The following ZC3H12B variants were observed in gnomAD, a reference collection of about 807,000 sequenced individuals.
ZC3H12B encodes the protein zinc finger CCCH-type containing 12B, also known as probable ribonuclease ZC3H12B.
In ZC3H12B, 7 loss-of-function variants were observed where a neutral mutation model predicts 43.9. That is an observed-to-expected ratio of 0.16 (90% CI 0.09 to 0.30). ZC3H12B has a LOEUF of 0.30. Among genes scored for constraint, ZC3H12B ranks in the 10% least tolerant of loss-of-function variants. The probability of loss-of-function intolerance (pLI) is 1.00; values close to 1 mark genes in which losing one functional copy is unlikely to be tolerated. For synonymous variants in ZC3H12B, 222 were observed against 241.7 expected, an observed-to-expected ratio of 0.92 and a Z score of 0.76; for missense variants, 475 against 670.2, an observed-to-expected ratio of 0.71 and a Z score of 3.22.
intron 3 of ZC3H12B, among the ~76,000 whole-genome samples, chrX:65,437,799 G>A (rs776267268): frequency 8.9e-6 from 1 of 112,008 alleles, no homozygotes; most frequent in East Asian, 2.8e-4. Context: ...TGCTTATGGG[G>A]TATTACTCAA....
At chrX:65,489,489 A>C in intron 1 of ZC3H12B, 80 bp downstream of exon 6, 1 of 1,060,851 alleles carries the variant, frequency 9.4e-7, no homozygotes, top group Non-Finnish European at 1.3e-6. Flanking sequence ...GCAAATCATT[A>C]TAAGAGGAGC....
At chrX:65,436,882 A>G (rs1004736055) in intron 3 of ZC3H12B, among the ~76,000 whole-genome samples, 5 of 111,213 alleles carry the variant, frequency 4.5e-5, no homozygotes, top group African/African-American at 1.3e-4. Flanking sequence ...CGTACAACAA[A>G]TGGTTATTGG....
At chrX:65,232,936 G>A in the ZC3H12B span, among the ~76,000 whole-genome samples, 14 of 111,304 alleles carry the variant, frequency 1.3e-4, 1 homozygote, top group Non-Finnish European at 1.9e-4. Flanking sequence ...AAATGAGGAG[G>A]AGCAGCTATA....
At chrX:65,153,466 A>G in the ZC3H12B span, among the ~76,000 whole-genome samples, 1 of 112,630 alleles carries the variant, frequency 8.9e-6, no homozygotes, top group African/African-American at 3.2e-5. Context: ...GCAGCCAAAA[A>G]ACACATGAAA....
intron 2 of ZC3H12B, among the ~76,000 whole-genome samples, chrX:65,372,984 A>G (rs1194195737): frequency 1.8e-5 from 2 of 112,247 alleles, no homozygotes; most frequent in African/African-American, 6.5e-5. Context: ...GACATTAATC[A>G]GTCCATGATT....
the ZC3H12B span, among the ~76,000 whole-genome samples, chrX:65,121,302 G>T: frequency 9.0e-6 from 1 of 110,939 alleles, no homozygotes; most frequent in African/African-American, 3.3e-5. Context: ...GGTTGGTAAG[G>T]TATTAATTAT....
At chrX:65,059,059 G>A in the ZC3H12B span, among the ~76,000 whole-genome samples, 15 of 111,637 alleles carry the variant, frequency 1.3e-4, no homozygotes, top group Non-Finnish European at 1.5e-4. Flanking sequence ...TTTGGCTCAC[G>A]CTTGGTGCAC....
the ZC3H12B span, among the ~76,000 whole-genome samples, chrX:65,089,226 T>C: frequency 5.4e-5 from 6 of 111,542 alleles, no homozygotes; most frequent in Non-Finnish European, 1.1e-4. Flanking sequence ...TCATAGAATG[T>C]ACTTACGCAA....
chrX:65,449,298 G>A (rs1315870522), intron 3 of ZC3H12B, among the ~76,000 whole-genome samples: 1 of 110,719 alleles, frequency 9.0e-6, no homozygotes, highest in Non-Finnish European at 1.9e-5. Flanking sequence ...ATATACCCCT[G>A]AACTTAAAAT....
the ZC3H12B span, among the ~76,000 whole-genome samples, chrX:65,215,136 G>A: frequency 5.4e-5 from 6 of 111,970 alleles, no homozygotes; most frequent in Non-Finnish European, 7.5e-5. Context: ...AGCACATGTG[G>A]AGTAAATTTG....
chrX:65,430,344 C>CT lies in ZC3H12B; in HGVS notation n.407+31655dup, dbSNP rs1242032604. Among the ~76,000 whole-genome samples the CT allele has an allele frequency of 1.4e-3, 135 of 98,822 alleles. 1 individual carries two copies. The highest frequency in any genetic ancestry group is 2.4e-3 in the African/African-American group (66 of 27,501). 85.8% of individuals were successfully genotyped at this position (98,822 alleles called of 115,157 possible). On this transcript the variant is annotated intron_variant and non_coding_transcript_variant, in intron 3 of 5. Coordinates refer to the ZC3H12B transcript ENST00000617377. ...AGGGTTGCACAATCACTCACCACTT[C>CT]TTTTTTTTTTTTTTTAAACTTTAAG...
At chrX:65,378,888 C>T (rs890926085) in intron 2 of ZC3H12B, among the ~76,000 whole-genome samples, 20 of 112,431 alleles carry the variant, frequency 1.8e-4, no homozygotes, top group Admixed American at 3.7e-4. Context: ...CCTAATACTG[C>T]GCTTTTCCGA....
chrX:65,212,210 AAT>A, the ZC3H12B span, among the ~76,000 whole-genome samples: 1 of 48,602 alleles, frequency 2.1e-5, no homozygotes, highest in African/African-American at 8.4e-5. Context: ...ATTATTATAT[AAT>A]ATATTATATA....
the ZC3H12B span, among the ~76,000 whole-genome samples, chrX:65,242,925 A>G: frequency 8.9e-6 from 1 of 112,441 alleles, no homozygotes; most frequent in Non-Finnish European, 1.9e-5. Context: ...AGATGTCCAC[A>G]TGCAGAAGAA....
At chrX:65,331,757 G>A in the ZC3H12B span, among the ~76,000 whole-genome samples, 1 of 110,643 alleles carries the variant, frequency 9.0e-6, no homozygotes, top group Non-Finnish European at 1.9e-5. Context: ...CTGGGAAACG[G>A]GTGAGCAATC....
upstream of ZC3H12B, among the ~76,000 whole-genome samples, chrX:65,486,781 T>G (rs1431940483): frequency 1.8e-5 from 2 of 112,614 alleles, no homozygotes; most frequent in Non-Finnish European, 3.7e-5. Flanking sequence ...AATGACAATT[T>G]GGACAGAACT....
chrX:65,334,335 C>T, the ZC3H12B span, among the ~76,000 whole-genome samples: 1 of 112,106 alleles, frequency 8.9e-6, no homozygotes, highest in South Asian at 3.7e-4. Context: ...CAACCTTTCA[C>T]TTGCTGAAAC....
chrX:65,096,876 A>C, the ZC3H12B span, among the ~76,000 whole-genome samples: 2 of 111,677 alleles, frequency 1.8e-5, no homozygotes, highest in Non-Finnish European at 3.8e-5. Context: ...CCATTATAAT[A>C]TGGTTACTAT....
chrX:65,206,026 A>C, the ZC3H12B span, among the ~76,000 whole-genome samples: 1 of 112,150 alleles, frequency 8.9e-6, no homozygotes, highest in Admixed American at 9.5e-5. Flanking sequence ...CAACACAAAC[A>C]AATGGAAACA....
Sources: allele counts gnomAD v4.1 joint callset (sites outside exome capture counted in the v4.1 genomes callset), GRCh38; gene constraint gnomAD v4.1.1; transcripts MANE v1.5; gene names NCBI Gene and HGNC (gene_info 2026-07-23, HGNC 2026-07-21).